The following NGLY1 variants were observed in gnomAD, a reference collection of about 807,000 sequenced individuals.
NGLY1 encodes peptide-N(4)-(N-acetyl-beta-glucosaminyl)asparagine amidase.
Under a neutral mutation model 84.6 loss-of-function variants are expected in NGLY1, and 68 were observed. The observed-to-expected ratio is 0.80, with a 90% CI of 0.66 to 0.98. The LOEUF (loss-of-function observed/expected upper bound fraction) is 0.98. Ranked by LOEUF, NGLY1 falls within the 50% of genes least tolerant of loss-of-function variation. The probability of loss-of-function intolerance (pLI) is 0.00; values close to 1 mark genes in which losing one functional copy is unlikely to be tolerated. For synonymous variants in NGLY1, 280 were observed against 275.2 expected, an observed-to-expected ratio of 1.02 and a Z score of -0.17; for missense variants, 779 against 770.2, an observed-to-expected ratio of 1.01 and a Z score of -0.14.
chr3:25,789,332 AC>A (rs1263025655), intron 1 of NGLY1, among the ~76,000 whole-genome samples: 1 of 152,178 alleles, frequency 6.6e-6, no homozygotes, highest in East Asian at 1.9e-4. Context: ...AAGTAAAGGA[AC>A]AAAGAATGAC....
intron 3 of NGLY1, among the ~76,000 whole-genome samples, chr3:25,760,200 C>T: frequency 6.6e-6 from 1 of 152,084 alleles, no homozygotes; most frequent in East Asian, 1.9e-4. Context: ...AATTTCATCA[C>T]TCAGAGTACA....
At chr3:25,734,894 A>C in intron 7 of NGLY1, 1 of 864,072 alleles carries the variant, frequency 1.2e-6, no homozygotes, top group Non-Finnish European at 1.4e-6. Context: ...AATTCAACAA[A>C]TAAAAATTTT....
In NGLY1 at chr3:25,719,174, C is replaced by A; in HGVS notation, c.*286G>T. ...ATGAATAGCATTTAATCATGAATAT[C>A]ATTATTTAACTTTTAAAACCATACT... On this transcript the variant is annotated 3_prime_UTR_variant, in exon 12 of 12. Transcript: ENST00000280700. The A allele has an allele frequency of 4.4e-6, 1 of 225,444 alleles. No individual in the cohort carries two copies. Among genetic ancestry groups the A allele is most frequent in the Non-Finnish European group, 8.6e-6 (1 of 116,248 alleles). The allele number at this position is 225,444 out of a possible 1,614,324, so 14.0% of individuals were successfully genotyped here.
intron 3 of NGLY1, among the ~76,000 whole-genome samples, chr3:25,760,327 AG>A (rs1707246831): frequency 6.6e-6 from 1 of 152,206 alleles, no homozygotes; most frequent in South Asian, 2.1e-4. Context: ...ACACATATAC[AG>A]ACAACATATG....
intron 9 of NGLY1, among the ~76,000 whole-genome samples, chr3:25,731,502 T>A (rs1042375874): frequency 4.8e-4 from 73 of 152,098 alleles, no homozygotes; most frequent in Non-Finnish European, 1.6e-4. Flanking sequence ...GGTGAGAGTA[T>A]AAGCTGGCAT....
At chr3:25,745,958 G>A (rs924476733) in intron 4 of NGLY1, among the ~76,000 whole-genome samples, 3 of 152,146 alleles carry the variant, frequency 2.0e-5, no homozygotes, top group African/African-American at 7.2e-5. Context: ...CGGCCAAGAC[G>A]TGTTTCCTTT....
upstream of NGLY1, among the ~76,000 whole-genome samples, chr3:25,785,135 CAAAAA>C (rs1159268520): frequency 7.8e-5 from 6 of 76,942 alleles, no homozygotes; most frequent in African/African-American, 2.2e-4. Context: ...CCTGCTTGGA[CAAAAA>C]AAAAAAAAAA....
chr3:25,750,419 G>A (rs868617582), intron 4 of NGLY1, among the ~76,000 whole-genome samples: 1 of 152,194 alleles, frequency 6.6e-6, no homozygotes, highest in Non-Finnish European at 1.5e-5. Context: ...AATACTGTAT[G>A]ATTCCACTTA....
At chr3:25,772,971 C>T (rs1290188929) in intron 2 of NGLY1, among the ~76,000 whole-genome samples, 1 of 152,208 alleles carries the variant, frequency 6.6e-6, no homozygotes, top group Non-Finnish European at 1.5e-5. Flanking sequence ...TCCCTTCTAG[C>T]TTGTAGGGCT....
chr3:25,751,706 A>G (rs1706759541), intron 3 of NGLY1, among the ~76,000 whole-genome samples: 1 of 152,202 alleles, frequency 6.6e-6, no homozygotes. Flanking sequence ...ACCTCCAGAG[A>G]GGATGGTGAT....
rs1006303858 is a variant in NGLY1 at position 25,737,454 on chromosome 3, A to G, written c.883T>C (p.Tyr295His). The part of the protein sequence containing the change: ...ACQFSNRFPR[Y>H]NNPEKLLETR... ...TCCAAAAGTTTCTCAGGGTTATTATATCTGGTTTAAAAAGAAAAAAAACCT... is the reference window on the plus strand; with the variant it reads ...TCCAAAAGTTTCTCAGGGTTATTATGTCTGGTTTAAAAAGAAAAAAAACCT... Residue 295 changes from tyrosine (Y) to histidine (H), a missense_variant and splice_region_variant, in exon 6 of 12, where the codon TAT becomes CAT. Tyr to His is a moderately conservative substitution (Grantham distance 83). Coordinates refer to ENST00000280700, the MANE Select transcript of NGLY1 (RefSeq NM_018297.4). 6.3e-7 allele frequency: 1 copy of G among 1,594,944 alleles called. No individual in the cohort carries two copies. The highest frequency in any genetic ancestry group is 8.5e-7 in the Non-Finnish European group (1 of 1,170,968).
chr3:25,755,688 A>C (rs1707003950), intron 3 of NGLY1: 1 of 1,410,186 alleles, frequency 7.1e-7, no homozygotes, highest in South Asian at 1.3e-5. Context: ...AAGGAATTAT[A>C]GTCTAGTCTA....
At chr3:25,746,991 T>C (rs960227132) in intron 4 of NGLY1, among the ~76,000 whole-genome samples, 2 of 152,096 alleles carry the variant, frequency 1.3e-5, no homozygotes, top group Non-Finnish European at 2.9e-5. Context: ...AACTGCAAAT[T>C]AGCCCGGCTA....
At chr3:25,767,650 T>A (rs146057500) in intron 2 of NGLY1, among the ~76,000 whole-genome samples, 21 of 152,302 alleles carry the variant, frequency 1.4e-4, no homozygotes, top group African/African-American at 4.8e-4. Flanking sequence ...CAGAGACAAG[T>A]GGGCCTAAAA....
chr3:25,789,142 T>G (rs1469092860), intron 1 of NGLY1, among the ~76,000 whole-genome samples: 2 of 152,226 alleles, frequency 1.3e-5, no homozygotes, highest in South Asian at 2.1e-4. Flanking sequence ...GACTTCTTGC[T>G]TTTTTACATT....
At chr3:25,720,968 A>ATAAT (rs10681612) in intron 10 of NGLY1, among the ~76,000 whole-genome samples, 109,954 of 151,824 alleles carry the variant, frequency 0.72, 41,910 homozygotes, top group East Asian at 0.88. Flanking sequence ...TTTGTTTGAA[A>ATAAT]TCTTGGAAAG....
intron 2 of NGLY1, among the ~76,000 whole-genome samples, chr3:25,774,823 A>G (rs1258198458): frequency 2.0e-5 from 3 of 151,820 alleles, no homozygotes; most frequent in Non-Finnish European, 4.4e-5. Flanking sequence ...CCTCCCCTAC[A>G]CACCCCAGTC....
At chr3:25,764,012 G>A (rs1043442188) in intron 3 of NGLY1, 54 bp downstream of exon 3, 1 of 1,586,540 alleles carries the variant, frequency 6.3e-7, no homozygotes, top group African/African-American at 1.4e-5. Flanking sequence ...CAAAGCTTTT[G>A]CTGTTTCAAC....
intron 2 of NGLY1, among the ~76,000 whole-genome samples, chr3:25,768,362 C>T (rs898138176): frequency 4.0e-4 from 60 of 148,860 alleles, no homozygotes; most frequent in Non-Finnish European, 6.4e-4. Context: ...GCAGAGGCTG[C>T]GGTGAGTAGT....
Sources: allele counts gnomAD v4.1 joint callset (sites outside exome capture counted in the v4.1 genomes callset), GRCh38; gene constraint gnomAD v4.1.1; transcripts MANE v1.5; gene names NCBI Gene and HGNC (gene_info 2026-07-23, HGNC 2026-07-21).